Variants in SHFL observed in about 807,000 individuals in gnomAD.
SHFL encodes shiftless antiviral inhibitor of ribosomal frameshifting, also known as shiftless antiviral inhibitor of ribosomal frameshifting protein.
In SHFL, 12 loss-of-function variants were observed where a neutral mutation model predicts 34.7. The observed-to-expected ratio is 0.35, with a 90% confidence interval of 0.22 to 0.56. The LOEUF (loss-of-function observed/expected upper bound fraction) is 0.56. SHFL is among the 20% of genes least tolerant of loss of function. The pLI is 0.88. For synonymous variants in SHFL, 148 were observed against 156.0 expected (o/e 0.95, Z 0.38); for missense variants, 278 against 411.1 (o/e 0.68, Z 2.80).
chr19:10,092,407 G>A lies in SHFL; in HGVS notation c.*105G>A, dbSNP rs536111007. The A allele has an allele frequency of 1.3e-6, 2 of 1,520,624 alleles. No individual in the cohort carries two copies. The highest frequency in any genetic ancestry group is 2.8e-5 in the African/African-American group (2 of 71,056). The allele number at this position is 1,520,624 out of a possible 1,614,324, so 94.2% of individuals were successfully genotyped here. ...TATGAATGACCTTGGGGAGCCATCT[G>A]AGGCCAAGATATTGACGGGGGGGAT... On this transcript the variant is annotated 3_prime_UTR_variant, in exon 8 of 8. Coordinates refer to ENST00000253110, the MANE Select transcript of SHFL (RefSeq NM_018381.4).
intron 3 of SHFL, 191 bp from the exon 4 acceptor site, chr19:10,089,466 G>C: frequency 6.7e-7 from 1 of 1,484,750 alleles, no homozygotes; most frequent in East Asian, 2.3e-5. Context: ...TAACAGGTGT[G>C]CCCACCTCTC....
At position 10,092,272 on chromosome 19, in the gene SHFL, G is replaced by A. The variant is rs1431434668; in HGVS notation, c.846G>A (p.Val282=). Residue 282 remains valine (V), a synonymous_variant, in exon 8 of 8, where the codon GTG becomes GTA. Coordinates refer to ENST00000253110, the MANE Select transcript of SHFL (RefSeq NM_018381.4). ...AGGAGGAGGAGGAAGAGGAGGAGGTGGAGGACGAGGAGGGCGGGCCCAGGG... is the reference window on the plus strand; with the variant it reads ...AGGAGGAGGAGGAAGAGGAGGAGGTAGAGGACGAGGAGGGCGGGCCCAGGG... ...LKEEEEEEEE[V]EDEEGGPRE The A allele has an allele frequency of 1.9e-6, 3 of 1,593,784 alleles. No homozygotes were observed. The highest frequency in any genetic ancestry group is 2.6e-6 in the Non-Finnish European group (3 of 1,170,474).
At chr19:10,089,440 C>T in intron 3 of SHFL, 1 of 1,564,634 alleles carries the variant, frequency 6.4e-7, no homozygotes, top group East Asian at 2.2e-5. Flanking sequence ...TCAGTTTCCC[C>T]ATCTGAGCAA....
chr19:10,089,588 C>T (rs1169142888), intron 3 of SHFL, 69 bp from the exon 4 acceptor site: 5 of 1,549,896 alleles, frequency 3.2e-6, no homozygotes, highest in Non-Finnish European at 4.4e-6. Flanking sequence ...CCGGGGGCCT[C>T]CCCCAGCAAA....
At chr19:10,089,825 G>A (rs1319480644) in intron 4 of SHFL, 73 bp from the exon 5 acceptor site, 5 of 1,573,070 alleles carry the variant, frequency 3.2e-6, no homozygotes, top group Middle Eastern at 1.7e-4. Flanking sequence ...GTAGGGAGAG[G>A]AGGGCTGATG....
intron 3 of SHFL, chr19:10,087,678 G>A (rs2145151623): frequency 3.9e-6 from 1 of 253,810 alleles, no homozygotes; most frequent in East Asian, 1.2e-4. Context: ...GGAAAGAAAG[G>A]CAGGGGTCTT....
At position 10,091,636 on chromosome 19, in the gene SHFL, G is replaced by A. The variant is rs750777625; in HGVS notation, c.643+6G>A. 5 of 1,545,418 alleles carry A rather than the reference G, an allele frequency of 3.2e-6. No homozygotes were observed. Among genetic ancestry groups the A allele is most frequent in the Middle Eastern group, 1.7e-4 (1 of 5,722 alleles). On this transcript the variant is annotated splice_donor_region_variant and intron_variant, in intron 7 of 7. Coordinates refer to ENST00000253110, the MANE Select transcript of SHFL (RefSeq NM_018381.4). This position sits in a 1 kb window ranked among gnomAD's most constrained non-coding sequence, Gnocchi z 8.2. Reference sequence around the variant, plus strand: ...CGACTGCTACAACCGGCGAGGTGAGGCTCTTCTCCCCCAACAGCCTGGACA... The same window carrying A: ...CGACTGCTACAACCGGCGAGGTGAGACTCTTCTCCCCCAACAGCCTGGACA...
rs1443703135 is a variant in SHFL, at chr19:10,092,998, A to G, written c.*696A>G. On this transcript the variant is annotated 3_prime_UTR_variant, in exon 8 of 8. Coordinates refer to ENST00000253110, the MANE Select transcript of SHFL (RefSeq NM_018381.4). Reference sequence around the variant, plus strand: ...TCCTTCCCTATCTCCTTACCAAAGTACAAGTCACATCTTTCCCACCTTTTC... The same window carrying G: ...TCCTTCCCTATCTCCTTACCAAAGTGCAAGTCACATCTTTCCCACCTTTTC... 1 of 499,496 alleles carries G rather than the reference A, an allele frequency of 2.0e-6. No individual in the cohort carries two copies. Among genetic ancestry groups the G allele is most frequent in the Non-Finnish European group, 3.5e-6 (1 of 287,454 alleles). The allele number at this position is 499,496 out of a possible 1,614,324, so 30.9% of individuals were successfully genotyped here.
Position 10,091,445 on chromosome 19 carries a change from C to A in SHFL, c.489-31C>A. On this transcript the variant is annotated intron_variant, in intron 6 of 7. Coordinates refer to ENST00000253110, the MANE Select transcript of SHFL (RefSeq NM_018381.4). The surrounding 1 kb of genome is among the most constrained non-coding windows in gnomAD (Gnocchi z 8.2). ...GGCCCCACCCTGGCCCAGCCTCGCCCTCGGACCCTCACAGCCCTGCCCGCC... is the reference window on the plus strand; with the variant it reads ...GGCCCCACCCTGGCCCAGCCTCGCCATCGGACCCTCACAGCCCTGCCCGCC... The A allele has an allele frequency of 6.5e-7, 1 of 1,544,210 alleles. No individual in the cohort carries two copies. Among genetic ancestry groups the A allele is most frequent in the Non-Finnish European group, 8.8e-7 (1 of 1,141,250 alleles).
Position 10,086,535 on chromosome 19 carries a change from TG to T in SHFL, c.21+91del. On this transcript the variant is annotated intron_variant, in intron 1 of 7. Transcript: ENST00000253110. This position sits in a 1 kb window ranked among gnomAD's most constrained non-coding sequence, Gnocchi z 5.2. The stretch of plus-strand genomic sequence containing the variant: ...GGCGCGGAGGGGGCTTCGCAGTTCC[TG>T]GGGACCCCCATCCTAGAACCCCAGA... 1 of 1,227,656 alleles carries T rather than the reference TG, an allele frequency of 8.1e-7. No individual in the cohort carries two copies. Among genetic ancestry groups the T allele is most frequent in the Non-Finnish European group, 1.0e-6 (1 of 953,060 alleles). The allele number at this position is 1,227,656 out of a possible 1,614,324, so 76.0% of individuals were successfully genotyped here. A position where few individuals can be genotyped will look rare whatever the true frequency, so the allele number is the denominator to read the frequency against.
chr19:10,091,702 A>C lies in SHFL; in HGVS notation c.643+72A>C. 5 of 1,457,178 alleles carry C rather than the reference A, an allele frequency of 3.4e-6. No individual in the cohort carries two copies. The highest frequency in any genetic ancestry group is 2.8e-5 in the South Asian group (2 of 71,130). 90.3% of individuals were successfully genotyped at this position (1,457,178 alleles called of 1,614,324 possible). A position where few individuals can be genotyped will look rare whatever the true frequency, so the allele number is the denominator to read the frequency against. On this transcript the variant is annotated intron_variant, in intron 7 of 7. Transcript: ENST00000253110. The surrounding 1 kb of genome is among the most constrained non-coding windows in gnomAD (Gnocchi z 8.2). ...TGTGCCTTTAAGTCCCCAAATCTCC[A>C]CTCAGTCCACTTTGTCTCCCACAGC...
At position 10,091,605 on chromosome 19, in the gene SHFL, A is replaced by G. The variant is rs993681144; in HGVS notation, c.618A>G (p.Ser206=). The change falls in exon 7 of 8, where the codon TCA becomes TCG. Residue 206 remains serine, a synonymous_variant. Transcript: ENST00000253110. This position sits in a 1 kb window ranked among gnomAD's most constrained non-coding sequence, Gnocchi z 8.2. ...DRRSTHTHSC[S]AADCYNRREP... is the part of the protein sequence containing the mutation. ...GCAGCACCCACACTCACTCCTGCTC[A>G]GCTGCCGACTGCTACAACCGGCGAG... 9.0e-6 allele frequency: 14 copies of G among 1,551,532 alleles called. No homozygotes were observed. The highest frequency in any genetic ancestry group is 1.1e-5 in the Non-Finnish European group (13 of 1,146,986).
Position 10,092,929 on chromosome 19 carries a change from AG to A in SHFL, c.*629del, listed in dbSNP as rs1342711456. 7.2e-5 allele frequency: 45 copies of A among 625,808 alleles called. No homozygotes were observed. Among genetic ancestry groups the A allele is most frequent in the Non-Finnish European group, 2.5e-6 (1 of 393,150 alleles). The allele number at this position is 625,808 out of a possible 1,614,324, so 38.8% of individuals were successfully genotyped here. On this transcript the variant is annotated 3_prime_UTR_variant, in exon 8 of 8. Coordinates refer to ENST00000253110, the MANE Select transcript of SHFL (RefSeq NM_018381.4). ...TCTTCCATCTCCTCAGCAAAAAAAT[AG>A]GAGCCCTGGCCCCCCAACTTTCTTC...
Position 10,091,957 on chromosome 19 carries a change from C to G in SHFL, c.644-113C>G. The G allele has an allele frequency of 1.5e-6, 2 of 1,302,816 alleles. No individual in the cohort carries two copies. The highest frequency in any genetic ancestry group is 2.1e-6 in the Non-Finnish European group (2 of 936,690). The allele number at this position is 1,302,816 out of a possible 1,614,324, so 80.7% of individuals were successfully genotyped here. ...CCTGAATGTCCAGTTGTGCTGGTCCCCGTATCTGGTGGTCTCAGCTCCTCC... is the reference window on the plus strand; with the variant it reads ...CCTGAATGTCCAGTTGTGCTGGTCCGCGTATCTGGTGGTCTCAGCTCCTCC... On this transcript the variant is annotated intron_variant, in intron 7 of 7. Coordinates refer to ENST00000253110, the MANE Select transcript of SHFL (RefSeq NM_018381.4). The surrounding 1 kb of genome is among the most constrained non-coding windows in gnomAD (Gnocchi z 8.2).
intron 3 of SHFL, chr19:10,089,396 G>C: frequency 6.3e-7 from 1 of 1,598,440 alleles, no homozygotes; most frequent in Non-Finnish European, 8.5e-7. Context: ...TGGGGGTCAG[G>C]CTAGCCTCAC....
At chr19:10,087,087 AC>A (rs2088300709) in intron 2 of SHFL, 35 bp downstream of exon 2, 1 of 1,601,002 alleles carries the variant, frequency 6.2e-7, no homozygotes, top group South Asian at 1.1e-5. Flanking sequence ...TGGTGCGGGG[AC>A]CGCGCGTGGG....
intron 3 of SHFL, 117 bp downstream of exon 3, chr19:10,087,417 C>T (rs770850680): frequency 9.6e-7 from 1 of 1,041,130 alleles, no homozygotes; most frequent in Non-Finnish European, 1.5e-6. Flanking sequence ...CAGGCATTGT[C>T]GGTCCATAAC....
Position 10,092,327 on chromosome 19 carries a change from C to T in SHFL, c.*25C>T. 1 of 1,556,260 alleles carries T rather than the reference C, an allele frequency of 6.4e-7. No homozygotes were observed. Among genetic ancestry groups the T allele is most frequent in the Non-Finnish European group, 8.7e-7 (1 of 1,150,774 alleles). On this transcript the variant is annotated 3_prime_UTR_variant, in exon 8 of 8. Transcript: ENST00000253110. ...ACCCCTGCCAGGTGCAGATACAAAC[C>T]AGACACGGTCTGTGGCTACTTTGTG...
At position 10,091,528 on chromosome 19, in the gene SHFL, G is replaced by A. The variant is rs762466089; in HGVS notation, c.541G>A (p.Val181Met). The A allele has an allele frequency of 3.9e-6, 6 of 1,549,508 alleles. No homozygotes were observed. In the South Asian group the frequency reaches 4.8e-5, roughly 12 times the overall value. ...CCCCTGCTACGGGTGCGGCTTCCCC[G>A]TGTATCCAACACGGATCCTCCCCCC... ...PSPCYGCGFPVYPTRILPPRW... is the reference protein window; with the variant it reads ...PSPCYGCGFPMYPTRILPPRW... The change falls in exon 7 of 8, where the codon GTG becomes ATG. Residue 181 changes from valine (V) to methionine (M), a missense_variant. This residue lies in a region of SHFL where 243 missense variants were observed against 386.2 expected (regional missense o/e 0.63). Transcript: ENST00000253110. The surrounding 1 kb of genome is among the most constrained non-coding windows in gnomAD (Gnocchi z 8.2).
Sources: allele counts gnomAD v4.1 joint callset, GRCh38; gene constraint gnomAD v4.1.1; regional missense constraint gnomAD v4.1.1; non-coding constraint Gnocchi (gnomAD v3.1); transcripts MANE v1.5; gene names NCBI Gene and HGNC (gene_info 2026-07-23, HGNC 2026-07-21).